Variants in PGRMC2 observed in about 807,000 individuals in gnomAD.
The protein encoded by PGRMC2 is progesterone receptor membrane component 2.
In PGRMC2, 9 loss-of-function variants were observed where a neutral mutation model predicts 19.3. That is an observed-to-expected ratio of 0.47 (90% CI 0.28 to 0.81). The LOEUF (loss-of-function observed/expected upper bound fraction) is 0.81, where lower values mean the gene tolerates loss of function less well. Among genes scored for constraint, PGRMC2 ranks in the 40% least tolerant of loss-of-function variants. The probability of loss-of-function intolerance (pLI) is 0.11; values close to 1 mark genes in which losing one functional copy is unlikely to be tolerated. For synonymous variants in PGRMC2, 157 were observed against 124.6 expected, an observed-to-expected ratio of 1.26 and a Z score of -1.73; for missense variants, 289 against 297.3, an observed-to-expected ratio of 0.97 and a Z score of 0.21.
intron 1 of PGRMC2, among the ~76,000 whole-genome samples, chr4:128,285,756 C>T (rs561605207): frequency 6.6e-6 from 1 of 152,288 alleles, no homozygotes; most frequent in South Asian, 2.1e-4. Context: ...AAATTTACTT[C>T]GCTTGGCCTG....
intron 2 of PGRMC2, 144 bp downstream of exon 2, chr4:128,272,218 C>T (rs1428779287): frequency 9.8e-6 from 5 of 512,340 alleles, no homozygotes; most frequent in African/African-American, 2.0e-5. Context: ...CTTCACCCAG[C>T]TTTAGCTATC....
chr4:128,272,417 T>A lies in PGRMC2; in HGVS notation c.519A>T (p.Ser173=). Residue 173 remains serine, a synonymous_variant, in exon 2 of 3, where the codon TCA becomes TCT. Coordinates refer to ENST00000296425, the MANE Select transcript of PGRMC2 (RefSeq NM_006320.6). ...DALRDEYDDL[S]DLNAVQMESV... The stretch of plus-strand genomic sequence containing the variant: ...TCTCCATTTGTACTGCATTCAAATC[T>A]GAGAGATCATCATATTCATCTCTAA... 5 of 1,590,906 alleles carry A rather than the reference T, an allele frequency of 3.1e-6. No individual in the cohort carries two copies. The highest frequency in any genetic ancestry group is 4.3e-6 in the Non-Finnish European group (5 of 1,169,920).
intron 1 of PGRMC2, among the ~76,000 whole-genome samples, chr4:128,281,108 T>C (rs750382464): frequency 1.1e-4 from 17 of 152,148 alleles, no homozygotes; most frequent in Non-Finnish European, 2.5e-4. Context: ...AAAAAGATAA[T>C]AATTTCATCA....
chr4:128,287,787 C>T lies in PGRMC2; in HGVS notation c.4G>A (p.Ala2Thr). Reference protein sequence around the residue: MAAGDGDVKLGT... With the variant: MTAGDGDVKLGT... ...AGCTTCACGTCCCCATCACCAGCCG[C>T]CATCACTGCCCGCCAGCGCCTTCCT... The change falls in exon 1 of 3, where the codon GCG becomes ACG. Residue 2 changes from alanine (A) to threonine (T), a missense_variant. Transcript: ENST00000296425. The T allele has an allele frequency of 1.3e-6, 2 of 1,488,778 alleles. No homozygotes were observed. The highest frequency in any genetic ancestry group is 1.8e-6 in the Non-Finnish European group (2 of 1,088,356). The allele number at this position is 1,488,778 out of a possible 1,614,324, so 92.2% of individuals were successfully genotyped here. A position where few individuals can be genotyped will look rare whatever the true frequency, so the allele number is the denominator to read the frequency against.
intron 1 of PGRMC2, among the ~76,000 whole-genome samples, chr4:128,286,071 G>C (rs551232531): frequency 5.7e-5 from 6 of 106,064 alleles, no homozygotes; most frequent in Non-Finnish European, 1.2e-4. Context: ...CAGCTATCAA[G>C]CACTGAAATC....
At chr4:128,286,402 G>A (rs923254413) in intron 1 of PGRMC2, among the ~76,000 whole-genome samples, 1 of 152,034 alleles carries the variant, frequency 6.6e-6, no homozygotes, top group African/African-American at 2.4e-5. Context: ...TAAAAAAAGG[G>A]CGTCTAAATC....
intron 1 of PGRMC2, chr4:128,286,746 A>G (rs975976688): frequency 5.0e-6 from 2 of 398,454 alleles, no homozygotes; most frequent in Non-Finnish European, 8.8e-6. Flanking sequence ...ACTCCGAACT[A>G]AAACTGGTTT....
At chr4:128,281,094 T>C (rs1452077821) in intron 1 of PGRMC2, among the ~76,000 whole-genome samples, 3 of 152,158 alleles carry the variant, frequency 2.0e-5, no homozygotes, top group African/African-American at 7.2e-5. Context: ...ACAAGGACTA[T>C]ATTAAAAAGA....
At chr4:128,281,155 A>G (rs1157517600) in intron 1 of PGRMC2, among the ~76,000 whole-genome samples, 2 of 152,210 alleles carry the variant, frequency 1.3e-5, no homozygotes, top group Non-Finnish European at 1.5e-5. Context: ...AAGTGAAGCT[A>G]AAGTCTAATA....
intron 1 of PGRMC2, 179 bp downstream of exon 1, chr4:128,287,194 C>A (rs900619689): frequency 6.9e-6 from 4 of 578,838 alleles, no homozygotes; most frequent in East Asian, 6.6e-5. Context: ...CCCGTAGCTG[C>A]GGGGGGACGG....
chr4:128,270,770 C>T lies in PGRMC2; in HGVS notation c.*546G>A, dbSNP rs1182830855. 6.6e-6 allele frequency: 1 copy of T among 151,988 alleles called. No individual in the cohort carries two copies. Among genetic ancestry groups the T allele is most frequent in the African/African-American group, 2.4e-5 (1 of 41,376 alleles). 9.4% of individuals were successfully genotyped at this position (151,988 alleles called of 1,614,324 possible). On this transcript the variant is annotated 3_prime_UTR_variant, in exon 3 of 3. Coordinates refer to ENST00000296425, the MANE Select transcript of PGRMC2 (RefSeq NM_006320.6). ...ATATTTTTCTTTTCCCTGACAAAGC[C>T]AAAAAGAAAAGTTTGGGAATTCACA...
At chr4:128,274,509 T>A (rs1578882533) in intron 1 of PGRMC2, among the ~76,000 whole-genome samples, 1 of 92,122 alleles carries the variant, frequency 1.1e-5, no homozygotes, top group Non-Finnish European at 2.0e-5. Flanking sequence ...AGACTCCTTC[T>A]CCAAAGAAAA....
intron 1 of PGRMC2, chr4:128,286,787 T>C (rs1482128966): frequency 7.6e-6 from 3 of 396,642 alleles, no homozygotes; most frequent in East Asian, 3.6e-5. Context: ...CTTATACGTC[T>C]GGACTTCAGA....
At chr4:128,275,664 T>A (rs1416333149) in intron 1 of PGRMC2, among the ~76,000 whole-genome samples, 1 of 152,234 alleles carries the variant, frequency 6.6e-6, no homozygotes, top group Non-Finnish European at 1.5e-5. Context: ...AGCATTTAAC[T>A]TCTGCAAAGG....
At chr4:128,278,242 C>G (rs1453008311) in intron 1 of PGRMC2, among the ~76,000 whole-genome samples, 2 of 152,102 alleles carry the variant, frequency 1.3e-5, no homozygotes, top group Non-Finnish European at 2.9e-5. Context: ...GATAATACTT[C>G]AAGTATTAGG....
rs1268226164 is a variant in PGRMC2 at position 128,270,306 on chromosome 4, T to A, written c.*1010A>T. On this transcript the variant is annotated 3_prime_UTR_variant, in exon 3 of 3. Transcript: ENST00000296425. ...ATGTGGAGGGTCAGACTCCTAAAAT[T>A]AGGCAGCTGTTGGGGATAAGAGTTG... 6.6e-6 allele frequency: 1 copy of A among 152,634 alleles called. No homozygotes were observed. Among genetic ancestry groups the A allele is most frequent in the Non-Finnish European group, 1.5e-5 (1 of 68,044 alleles). 9.5% of individuals were successfully genotyped at this position (152,634 alleles called of 1,614,324 possible). A position where few individuals can be genotyped will look rare whatever the true frequency, so the allele number is the denominator to read the frequency against.
At chr4:128,286,104 C>A in intron 1 of PGRMC2, among the ~76,000 whole-genome samples, 2 of 96,640 alleles carry the variant, frequency 2.1e-5, no homozygotes, top group East Asian at 2.8e-4. Context: ...TTTTAAGTGT[C>A]AATAAATCTT....
rs1352351458 is a variant in PGRMC2 at position 128,269,298 on chromosome 4, T to C, written c.*2018A>G. The C allele has an allele frequency of 6.6e-6, 1 of 152,218 alleles. No individual in the cohort carries two copies. Among genetic ancestry groups the C allele is most frequent in the Non-Finnish European group, 1.5e-5 (1 of 68,042 alleles). The allele number at this position is 152,218 out of a possible 1,614,324, so 9.4% of individuals were successfully genotyped here. A position where few individuals can be genotyped will look rare whatever the true frequency, so the allele number is the denominator to read the frequency against. On this transcript the variant is annotated 3_prime_UTR_variant, in exon 3 of 3. Coordinates refer to ENST00000296425, the MANE Select transcript of PGRMC2 (RefSeq NM_006320.6). ...TCAAGTCCAAAACACAAATTACTCA[T>C]TTTTCTTAACAGACCGCATAATTTT...
intron 1 of PGRMC2, chr4:128,286,864 AAGG>A (rs1760990883): frequency 5.1e-6 from 2 of 392,362 alleles, no homozygotes; most frequent in African/African-American, 2.1e-5. Flanking sequence ...CGAGGGAAAA[AAGG>A]AGATCAGTGG....
Sources: allele counts gnomAD v4.1 joint callset (sites outside exome capture counted in the v4.1 genomes callset), GRCh38; gene constraint gnomAD v4.1.1; transcripts MANE v1.5; gene names NCBI Gene and HGNC (gene_info 2026-07-23, HGNC 2026-07-21).